PTPRF: variants seen among roughly 807,000 people sequenced by gnomAD.
The protein encoded by PTPRF is protein tyrosine phosphatase receptor type F.
In PTPRF, 59 loss-of-function variants were observed where a neutral mutation model predicts 201.8. That is an observed-to-expected ratio of 0.29 (90% confidence interval 0.24 to 0.36). PTPRF has a LOEUF of 0.36. PTPRF is among the 10% of genes least tolerant of loss of function. PTPRF has a pLI of 1.00. For synonymous variants in PTPRF, 1,088 were observed against 1,089.7 expected, an observed-to-expected ratio of 1.00 and a Z score of 0.03; for missense variants, 2,132 against 2,690.5, an observed-to-expected ratio of 0.79 and a Z score of 4.59.
At chr1:43,565,289 T>A (rs1425270168) in intron 5 of PTPRF, among the ~76,000 whole-genome samples, 1 of 152,060 alleles carries the variant, frequency 6.6e-6, no homozygotes, top group Non-Finnish European at 1.5e-5. Context: ...GACCCTCCCC[T>A]CGCTAGGGCT....
intron 19 of PTPRF, 56 bp from the exon 20 acceptor site, chr1:43,606,184 A>G (rs1655052542): frequency 2.6e-6 from 4 of 1,553,078 alleles, no homozygotes; most frequent in Non-Finnish European, 3.5e-6. Context: ...CCACAGCCTC[A>G]GGGCTGGCCG....
chr1:43,618,245 A>T (rs1658350564), intron 25 of PTPRF, among the ~76,000 whole-genome samples: 1 of 152,166 alleles, frequency 6.6e-6, no homozygotes, highest in African/African-American at 2.4e-5. Context: ...GCATTAACAC[A>T]TCTCCTAAGT....
At chr1:43,584,511 C>G (rs1648611224) in intron 7 of PTPRF, among the ~76,000 whole-genome samples, 1 of 152,146 alleles carries the variant, frequency 6.6e-6, no homozygotes, top group Non-Finnish European at 1.5e-5. Context: ...CCTTCCATGC[C>G]CCTTCCTCTA....
upstream of PTPRF, among the ~76,000 whole-genome samples, chr1:43,524,072 AAAG>A (rs1643027314): frequency 1.4e-5 from 2 of 139,452 alleles, no homozygotes; most frequent in Non-Finnish European, 3.1e-5. Context: ...AAAAAAAAAA[AAAG>A]GAAGAAAGAA....
chr1:43,575,780 C>T (rs1646884614), intron 6 of PTPRF: 20 of 584,876 alleles, frequency 3.4e-5, no homozygotes, highest in Non-Finnish European at 4.0e-5. Flanking sequence ...CTAACTCAGG[C>T]CTCAATTTCT....
At position 43,603,636 on chromosome 1, in the gene PTPRF, C is replaced by T; in HGVS notation, c.2484C>T (p.Ile828=). The T allele has an allele frequency of 1.2e-6, 2 of 1,613,334 alleles. No individual in the cohort carries two copies. Among genetic ancestry groups the T allele is most frequent in the Non-Finnish European group, 1.7e-6 (2 of 1,179,850 alleles). ...GAVPGRPTMM[I]STTAMNTALL... ...TCCCAGGCCGGCCCACCATGATGAT[C>T]AGCACCACGGCCATGAACACTGCGC... Residue 828 remains isoleucine, a synonymous_variant, in exon 16 of 34, where the codon ATC becomes ATT. Transcript: ENST00000359947. The surrounding 1 kb of genome is among the most constrained non-coding windows in gnomAD (Gnocchi z 5.8).
At chr1:43,577,948 G>A (rs1321139058) in intron 6 of PTPRF, among the ~76,000 whole-genome samples, 1 of 152,094 alleles carries the variant, frequency 6.6e-6, no homozygotes, top group Non-Finnish European at 1.5e-5. Flanking sequence ...GCCAGGGGAC[G>A]GCCAAGTCCA....
intron 22 of PTPRF, chr1:43,613,053 C>T (rs544701024): frequency 2.2e-5 from 8 of 358,430 alleles, no homozygotes; most frequent in East Asian, 7.4e-5. Flanking sequence ...CCTCCAGTCC[C>T]GGCCTGACAC....
At chr1:43,611,151 G>A (rs933417283) in intron 22 of PTPRF, among the ~76,000 whole-genome samples, 1 of 152,196 alleles carries the variant, frequency 6.6e-6, no homozygotes, top group Non-Finnish European at 1.5e-5. Flanking sequence ...GCTTCTTCAG[G>A]TGGCCTGGGC....
At chr1:43,614,037 C>T (rs1557859388) in intron 23 of PTPRF, among the ~76,000 whole-genome samples, 1 of 152,218 alleles carries the variant, frequency 6.6e-6, no homozygotes, top group African/African-American at 2.4e-5. Context: ...GGCATACAGA[C>T]ATAGATCAGT....
chr1:43,545,984 A>G (rs1442349523), intron 3 of PTPRF, among the ~76,000 whole-genome samples: 1 of 152,098 alleles, frequency 6.6e-6, no homozygotes, highest in Non-Finnish European at 1.5e-5. Context: ...GATTTAGCCA[A>G]TCTGCAGGCT....
rs754905664 is a variant in PTPRF, at chr1:43,554,743, G to A, written c.379+802G>A. Among the ~76,000 whole-genome samples, 8 of 152,182 alleles carry A rather than the reference G, an allele frequency of 5.3e-5. No individual in the cohort carries two copies. The highest frequency in any genetic ancestry group is 1.4e-4 in the African/African-American group (6 of 41,440). On this transcript the variant is annotated intron_variant, in intron 5 of 33. Coordinates refer to ENST00000359947, the MANE Select transcript of PTPRF (RefSeq NM_002840.5). This position sits in a 1 kb window ranked among gnomAD's most constrained non-coding sequence, Gnocchi z 4.1. The stretch of plus-strand genomic sequence containing the variant: ...GGACATAGGAAGCCACAAACAAGGC[G>A]GGGGTGACATGATCAGACCCCAGCC...
chr1:43,606,127 C>A, intron 19 of PTPRF, 113 bp from the exon 20 acceptor site: 1 of 1,216,418 alleles, frequency 8.2e-7, no homozygotes, highest in Admixed American at 2.5e-5. Context: ...TGGGCTCTGA[C>A]ACGGAAGGTG....
intron 2 of PTPRF, among the ~76,000 whole-genome samples, chr1:43,543,505 G>A (rs1644477982): frequency 6.6e-6 from 1 of 152,130 alleles, no homozygotes. Flanking sequence ...GATTTTTGGT[G>A]GGATCCTGGG....
intron 22 of PTPRF, chr1:43,613,128 C>T: frequency 3.0e-6 from 1 of 338,304 alleles, no homozygotes; most frequent in South Asian, 2.4e-5. Flanking sequence ...CTCCTGGTCT[C>T]TGCTTCTCTC....
At chr1:43,565,442 C>A (rs982071399) in intron 5 of PTPRF, among the ~76,000 whole-genome samples, 2 of 152,240 alleles carry the variant, frequency 1.3e-5, no homozygotes, top group African/African-American at 2.4e-5. Flanking sequence ...GCACACATAT[C>A]TGCGTGAGCC....
chr1:43,613,539 A>G (rs1160080554), intron 22 of PTPRF, 79 bp from the exon 23 acceptor site: 1 of 1,167,182 alleles, frequency 8.6e-7, no homozygotes, highest in Non-Finnish European at 1.3e-6. Flanking sequence ...ACATGTGCAC[A>G]TACATGCGTT....
intron 7 of PTPRF, chr1:43,579,662 C>G (rs1263778908): frequency 5.2e-6 from 1 of 193,846 alleles, no homozygotes; most frequent in Non-Finnish European, 1.1e-5. Context: ...GGCCACCTTG[C>G]CCTTTCCTGA....
At chr1:43,616,928 G>GC (rs1658001494) in intron 23 of PTPRF, among the ~76,000 whole-genome samples, 1 of 152,126 alleles carries the variant, frequency 6.6e-6, no homozygotes, top group South Asian at 2.1e-4. Context: ...CACGGGAAGG[G>GC]CAGGGGAGAG....
Sources: allele counts gnomAD v4.1 joint callset (sites outside exome capture counted in the v4.1 genomes callset), GRCh38; gene constraint gnomAD v4.1.1; non-coding constraint Gnocchi (gnomAD v3.1); transcripts MANE v1.5; gene names NCBI Gene and HGNC (gene_info 2026-07-23, HGNC 2026-07-21).